CTNNA3: variants seen among roughly 807,000 people sequenced by gnomAD.
CTNNA3 encodes the protein catenin alpha-3.
In CTNNA3, 76 loss-of-function variants were observed where a neutral mutation model predicts 95.7. That is an observed-to-expected ratio of 0.79 (90% CI 0.66 to 0.96). The LOEUF (loss-of-function observed/expected upper bound fraction) is 0.96. Ranked by LOEUF, CTNNA3 falls within the 40% of genes least tolerant of loss-of-function variation. CTNNA3 has a pLI of 0.00. For synonymous variants in CTNNA3, 431 were observed against 374.4 expected, an observed-to-expected ratio of 1.15 and a Z score of -1.74; for missense variants, 1,191 against 1,089.8, an observed-to-expected ratio of 1.09 and a Z score of -1.31.
chr10:67,506,528 CT>C (rs1268936791), intron 5 of CTNNA3, among the ~76,000 whole-genome samples: 1 of 152,220 alleles, frequency 6.6e-6, no homozygotes, highest in Non-Finnish European at 1.5e-5. Context: ...AGCTTAACAT[CT>C]ACAAAAGGCT....
At chr10:66,543,907 GTGTGTA>G (rs1473078207) in intron 10 of CTNNA3, among the ~76,000 whole-genome samples, 763 of 28,738 alleles carry the variant, frequency 0.027, 2 homozygotes, top group Non-Finnish European at 0.034. Context: ...AGATGTGTGT[GTGTGTA>G]TATATATATA....
In CTNNA3 at chr10:66,330,290, A is replaced by G. The variant is rs532331504; in HGVS notation, c.1732+48862T>C. Among the ~76,000 whole-genome samples, 12 of 151,260 alleles carry G rather than the reference A, an allele frequency of 7.9e-5. No homozygotes were observed. The East Asian group carries it at 2.1e-3, about 27-fold the overall frequency. On this transcript the variant is annotated intron_variant, in intron 12 of 17. Transcript: ENST00000433211. ...TGTGTCCCTGTGTTCTCATTGTTCA[A>G]TTCCTACCTATGAGTGAGAACATGC...
chr10:67,467,272 T>G (rs989430855), intron 5 of CTNNA3, among the ~76,000 whole-genome samples: 3 of 152,258 alleles, frequency 2.0e-5, no homozygotes, highest in Non-Finnish European at 4.4e-5. Context: ...AGTTAAGTTT[T>G]TGACTACACA....
chr10:66,701,853 G>A (rs984396757), intron 9 of CTNNA3, among the ~76,000 whole-genome samples: 18 of 151,974 alleles, frequency 1.2e-4, no homozygotes, highest in East Asian at 3.9e-4. Context: ...TGGGACCCAC[G>A]TCTAAATACA....
At chr10:66,587,442 A>G (rs1190402869) in intron 10 of CTNNA3, among the ~76,000 whole-genome samples, 6 of 152,068 alleles carry the variant, frequency 3.9e-5, no homozygotes. Context: ...GGGTAGGGCC[A>G]TGGAGCTCCC....
Position 66,930,241 on chromosome 10 carries a change from C to T in CTNNA3, c.1048-154717G>A, listed in dbSNP as rs186919178. ...TATTGATTAAATCTTACAATAGATGCCACTTCAGAAAAACATCTTAGTTAC... is the reference window on the plus strand; with the variant it reads ...TATTGATTAAATCTTACAATAGATGTCACTTCAGAAAAACATCTTAGTTAC... On this transcript the variant is annotated intron_variant, in intron 7 of 17. Coordinates refer to ENST00000433211, the MANE Select transcript of CTNNA3 (RefSeq NM_013266.4). Among the ~76,000 whole-genome samples, 24 of 152,144 alleles carry T rather than the reference C, an allele frequency of 1.6e-4. No individual in the cohort carries two copies. In the East Asian group the frequency reaches 4.4e-3, roughly 28 times the overall value.
intron 5 of CTNNA3, among the ~76,000 whole-genome samples, chr10:67,236,496 C>T (rs1271313584): frequency 2.5e-5 from 3 of 119,244 alleles, no homozygotes; most frequent in Non-Finnish European, 4.9e-5. Context: ...GAACATCACA[C>T]TCTGGGGACT....
At chr10:67,046,502 G>A (rs12411290) in intron 7 of CTNNA3, among the ~76,000 whole-genome samples, 53,806 of 151,972 alleles carry the variant, frequency 0.35, 9,981 homozygotes, top group Middle Eastern at 0.55. Flanking sequence ...GAAGAACAAG[G>A]GGATTCCTGG....
intron 10 of CTNNA3, among the ~76,000 whole-genome samples, chr10:66,614,775 A>T (rs1844451329): frequency 6.6e-6 from 1 of 152,028 alleles, no homozygotes; most frequent in Non-Finnish European, 1.5e-5. Context: ...CTAGACCGTG[A>T]TTGGAAAACT....
At chr10:67,728,356 G>A (rs370489475) in intron 1 of CTNNA3, among the ~76,000 whole-genome samples, 232 of 149,026 alleles carry the variant, frequency 1.6e-3, no homozygotes, top group South Asian at 5.9e-3. Context: ...GTGAGGCTGC[G>A]GCAGGAGAAT....
chr10:67,075,888 C>A (rs566843536), intron 7 of CTNNA3, among the ~76,000 whole-genome samples: 2 of 152,304 alleles, frequency 1.3e-5, no homozygotes, highest in South Asian at 4.1e-4. Context: ...TTTCTTTCAA[C>A]GAAGGTGTGG....
chr10:67,121,981 CA>C (rs370358378), intron 7 of CTNNA3, among the ~76,000 whole-genome samples: 688 of 47,128 alleles, frequency 0.015, 1 homozygote, highest in Admixed American at 0.026. Context: ...TTATTCTGAG[CA>C]AAAAAAAAAA....
intron 15 of CTNNA3, among the ~76,000 whole-genome samples, chr10:66,028,043 C>G (rs2079375648): frequency 6.6e-6 from 1 of 152,100 alleles, no homozygotes; most frequent in African/African-American, 2.4e-5. Context: ...CCCAAGTCTG[C>G]CTTTCTTTTA....
At position 66,448,441 on chromosome 10, in the gene CTNNA3, C is replaced by T. The variant is rs539383398; in HGVS notation, c.1532-69089G>A. On this transcript the variant is annotated intron_variant, in intron 11 of 17. Transcript: ENST00000433211. ...TGGAACCAACCCAAATGTCCAACAG[C>T]GATAGACTGGATTAAGAAAATGTGG... 6.9e-3 allele frequency among the ~76,000 whole-genome samples: 1,051 copies of T among 152,036 alleles called. 11 individuals are homozygous for T. The highest frequency in any genetic ancestry group is 0.024 in the African/African-American group (998 of 41,470).
chr10:66,461,695 A>G (rs1341283586), intron 11 of CTNNA3, among the ~76,000 whole-genome samples: 1 of 149,820 alleles, frequency 6.7e-6, no homozygotes, highest in African/African-American at 2.4e-5. Flanking sequence ...GTATATATAT[A>G]TATATATATC....
chr10:66,709,537 G>A (rs188603226), intron 9 of CTNNA3, among the ~76,000 whole-genome samples: 4 of 151,824 alleles, frequency 2.6e-5, no homozygotes, highest in Admixed American at 6.6e-5. Flanking sequence ...AAATTATTTC[G>A]AGAAAAAACC....
At chr10:66,493,764 C>A (rs1346454390) in intron 11 of CTNNA3, among the ~76,000 whole-genome samples, 1 of 151,688 alleles carries the variant, frequency 6.6e-6, no homozygotes. Flanking sequence ...CACCACCATG[C>A]CCGGCTAATT....
At chr10:66,748,104 C>T (rs1486738692) in intron 9 of CTNNA3, among the ~76,000 whole-genome samples, 1 of 152,096 alleles carries the variant, frequency 6.6e-6, no homozygotes, top group Non-Finnish European at 1.5e-5. Context: ...GGTATCAGCA[C>T]CATCTCATGC....
intron 5 of CTNNA3, among the ~76,000 whole-genome samples, chr10:67,362,500 T>A (rs1843024649): frequency 6.6e-6 from 1 of 152,178 alleles, no homozygotes; most frequent in African/African-American, 2.4e-5. Context: ...ATTTACCATA[T>A]AAACAGAATT....
Sources: allele counts gnomAD v4.1 joint callset (sites outside exome capture counted in the v4.1 genomes callset), GRCh38; gene constraint gnomAD v4.1.1; transcripts MANE v1.5; gene names NCBI Gene and HGNC (gene_info 2026-07-23, HGNC 2026-07-21).